The following RTL4 variants were observed in gnomAD, a reference collection of about 807,000 sequenced individuals.
RTL4 encodes retrotransposon Gag like 4.
A neutral mutation model predicts 5.3 loss-of-function variants in RTL4; 4 were observed. That is an observed-to-expected ratio of 0.75 (90% CI 0.37 to 1.72). The LOEUF is 1.72. Ranked by LOEUF, RTL4 falls within the 40% of genes most tolerant of loss-of-function variation. RTL4 has a pLI of 0.04. For missense variants in RTL4, 260 were observed against 227.1 expected, an observed-to-expected ratio of 1.14 and a Z score of -0.93; for synonymous variants, 98 against 87.3, an observed-to-expected ratio of 1.12 and a Z score of -0.68.
chrX:112,153,111 TGAC>T, the RTL4 span, among the ~76,000 whole-genome samples: 2 of 112,126 alleles, frequency 1.8e-5, no homozygotes, highest in African/African-American at 6.5e-5. Flanking sequence ...GTAAACAATC[TGAC>T]ATCAGAATTG....
the RTL4 span, among the ~76,000 whole-genome samples, chrX:112,437,146 C>T: frequency 5.4e-5 from 6 of 111,644 alleles, no homozygotes; most frequent in Admixed American, 9.6e-5. Flanking sequence ...GTCTCAGTCA[C>T]GACTTGGCAG....
chrX:112,289,797 AT>A, the RTL4 span, among the ~76,000 whole-genome samples: 3 of 104,169 alleles, frequency 2.9e-5, no homozygotes, highest in Admixed American at 1.0e-4. Context: ...GTGTGTGTGT[AT>A]AAAATACACA....
At chrX:112,084,230 A>C in the RTL4 span, among the ~76,000 whole-genome samples, 4 of 111,311 alleles carry the variant, frequency 3.6e-5, no homozygotes, top group African/African-American at 9.8e-5. Context: ...CTCTCCTCCT[A>C]GCCTACCTTG....
At chrX:112,248,551 A>G in the RTL4 span, among the ~76,000 whole-genome samples, 1 of 112,322 alleles carries the variant, frequency 8.9e-6, no homozygotes, top group African/African-American at 3.2e-5. Context: ...AAGAGTGCCT[A>G]TTTTGAATGC....
the RTL4 span, among the ~76,000 whole-genome samples, chrX:112,328,988 C>T: frequency 1.8e-5 from 2 of 111,521 alleles, no homozygotes; most frequent in African/African-American, 6.5e-5. Flanking sequence ...ATACCAGAAT[C>T]TCTGGGATGC....
At chrX:112,270,133 T>G in the RTL4 span, among the ~76,000 whole-genome samples, 1 of 112,097 alleles carries the variant, frequency 8.9e-6, no homozygotes, top group Non-Finnish European at 1.9e-5. Flanking sequence ...TGTTGGGAAA[T>G]TTCACCTTTA....
chrX:112,180,690 C>T, the RTL4 span, among the ~76,000 whole-genome samples: 1 of 111,964 alleles, frequency 8.9e-6, no homozygotes, highest in Non-Finnish European at 1.9e-5. Context: ...TTGTCTCATT[C>T]TCCTTAAATA....
At chrX:112,438,602 C>A in the RTL4 span, among the ~76,000 whole-genome samples, 1 of 112,645 alleles carries the variant, frequency 8.9e-6, no homozygotes, top group Non-Finnish European at 1.9e-5. Flanking sequence ...CTCAGAATCA[C>A]TTTCCCTTCT....
At chrX:112,182,151 G>A in the RTL4 span, among the ~76,000 whole-genome samples, 1 of 111,479 alleles carries the variant, frequency 9.0e-6, no homozygotes, top group African/African-American at 3.3e-5. Context: ...CAACAAAAAC[G>A]ACATCCACAC....
At chrX:112,137,835 G>A in the RTL4 span, among the ~76,000 whole-genome samples, 1 of 111,645 alleles carries the variant, frequency 9.0e-6, no homozygotes, top group Admixed American at 9.5e-5. Context: ...AGAACAGTAT[G>A]GAGATTTCTG....
At chrX:112,108,818 G>T in the RTL4 span, among the ~76,000 whole-genome samples, 1 of 111,296 alleles carries the variant, frequency 9.0e-6, no homozygotes, top group East Asian at 2.9e-4. Context: ...TGGAGATAAA[G>T]TCCACTGTGC....
At chrX:112,453,034 A>G (rs972479340), upstream of RTL4, among the ~76,000 whole-genome samples, 2 of 108,431 alleles carry the variant, frequency 1.8e-5, no homozygotes, top group African/African-American at 3.3e-5. Context: ...CTCTGTCTCA[A>G]AAAAAAAAAA....
the RTL4 span, among the ~76,000 whole-genome samples, chrX:112,181,323 G>A: frequency 2.3e-3 from 261 of 111,340 alleles, no homozygotes; most frequent in African/African-American, 5.4e-3. Flanking sequence ...GAATGCCAGC[G>A]AGACAGAACT....
chrX:112,091,511 G>T, the RTL4 span, among the ~76,000 whole-genome samples: 3 of 111,618 alleles, frequency 2.7e-5, no homozygotes, highest in South Asian at 1.1e-3. Context: ...TCGTTTAAGG[G>T]TTTGTTGTTT....
At chrX:112,298,552 A>T in the RTL4 span, among the ~76,000 whole-genome samples, 1 of 112,279 alleles carries the variant, frequency 8.9e-6, no homozygotes, top group African/African-American at 3.2e-5. Flanking sequence ...TTCATTCCAC[A>T]TGGTTCTTTT....
At chrX:112,293,406 T>C in the RTL4 span, among the ~76,000 whole-genome samples, 3 of 112,739 alleles carry the variant, frequency 2.7e-5, no homozygotes, top group African/African-American at 9.7e-5. Flanking sequence ...TATTCACTAT[T>C]CATTCAGATT....
chrX:112,370,279 A>G, the RTL4 span, among the ~76,000 whole-genome samples: 1 of 111,267 alleles, frequency 9.0e-6, no homozygotes, highest in African/African-American at 3.3e-5. Flanking sequence ...TCATAGCAGC[A>G]GCCAACCTGC....
the RTL4 span, among the ~76,000 whole-genome samples, chrX:112,272,501 G>A: frequency 9.0e-6 from 1 of 111,585 alleles, no homozygotes; most frequent in East Asian, 2.8e-4. Context: ...AGAAAAGTTT[G>A]ATTGGAATGT....
At chrX:112,231,428 T>C in the RTL4 span, among the ~76,000 whole-genome samples, 1 of 109,206 alleles carries the variant, frequency 9.2e-6, no homozygotes, top group Non-Finnish European at 1.9e-5. Context: ...TGTAGGGACA[T>C]GGATGAAGCT....
Sources: allele counts gnomAD v4.1 joint callset (sites outside exome capture counted in the v4.1 genomes callset), GRCh38; gene constraint gnomAD v4.1.1; transcripts MANE v1.5; gene names NCBI Gene and HGNC (gene_info 2026-07-23, HGNC 2026-07-21).